The following PELI2 variants were observed in gnomAD, a reference collection of about 807,000 sequenced individuals.
PELI2 encodes E3 ubiquitin-protein ligase pellino homolog 2.
PELI2 carries 23 observed loss-of-function variants against 42.3 expected under a neutral mutation model. The observed-to-expected ratio is 0.54, with a 90% CI of 0.39 to 0.77. PELI2 has a LOEUF of 0.77. Among genes scored for constraint, PELI2 ranks in the 30% least tolerant of loss-of-function variants. PELI2 has a pLI of 0.00. For synonymous variants in PELI2, 245 were observed against 212.2 expected (o/e 1.15, Z -1.34); for missense variants, 463 against 553.2 (o/e 0.84, Z 1.64).
At chr14:56,173,235 C>T (rs951455022) in intron 1 of PELI2, among the ~76,000 whole-genome samples, 3 of 152,154 alleles carry the variant, frequency 2.0e-5, no homozygotes, top group African/African-American at 7.2e-5. Context: ...CCTGTGCATC[C>T]AAACGGGTTA....
At chr14:56,121,450 C>T (rs561617444) in intron 1 of PELI2, among the ~76,000 whole-genome samples, 1 of 152,192 alleles carries the variant, frequency 6.6e-6, no homozygotes, top group Admixed American at 6.5e-5. Flanking sequence ...ACTTTCTGGG[C>T]TGATTAGTGG....
intron 2 of PELI2, among the ~76,000 whole-genome samples, chr14:56,209,462 A>G (rs1886637581): frequency 6.6e-6 from 1 of 152,242 alleles, no homozygotes; most frequent in African/African-American, 2.4e-5. Flanking sequence ...GACATTAGAG[A>G]GATTTGTAAA....
chr14:56,263,084 G>A (rs895994679), intron 2 of PELI2, among the ~76,000 whole-genome samples: 2 of 152,088 alleles, frequency 1.3e-5, no homozygotes, highest in African/African-American at 4.8e-5. Flanking sequence ...AGCCTCCCAA[G>A]TAGCTGGGAT....
chr14:56,246,977 G>T (rs745472558), intron 2 of PELI2, among the ~76,000 whole-genome samples: 1 of 152,142 alleles, frequency 6.6e-6, no homozygotes, highest in African/African-American at 2.4e-5. Flanking sequence ...AGTGTGATAC[G>T]AGAGTACCTT....
chr14:56,164,011 T>C (rs73290615), intron 1 of PELI2, among the ~76,000 whole-genome samples: 1 of 152,130 alleles, frequency 6.6e-6, no homozygotes, highest in Non-Finnish European at 1.5e-5. Context: ...CAAGGATAAT[T>C]TGACTTCCTA....
intron 2 of PELI2, among the ~76,000 whole-genome samples, chr14:56,235,158 GCAAAAACCAC>G (rs1887743681): frequency 6.8e-6 from 1 of 147,526 alleles, no homozygotes; most frequent in African/African-American, 2.7e-5. Flanking sequence ...ACTTTTAATG[GCAAAAACCAC>G]AATTTCTTTT....
At chr14:56,166,157 A>T (rs1884952651) in intron 1 of PELI2, among the ~76,000 whole-genome samples, 1 of 152,074 alleles carries the variant, frequency 6.6e-6, no homozygotes, top group East Asian at 1.9e-4. Flanking sequence ...TGATTTGAGG[A>T]TAACATGAGG....
At chr14:56,136,734 T>C (rs575664251) in intron 1 of PELI2, among the ~76,000 whole-genome samples, 1 of 152,286 alleles carries the variant, frequency 6.6e-6, no homozygotes, top group African/African-American at 2.4e-5. Flanking sequence ...TAAAGTTGAA[T>C]GTGTCTTTCT....
Position 56,197,620 on chromosome 14 carries a change from T to G in PELI2, c.207+19156T>G, listed in dbSNP as rs1366398637. 6.6e-6 allele frequency among the ~76,000 whole-genome samples: 1 copy of G among 152,216 alleles called. No homozygotes were observed. The highest frequency in any genetic ancestry group is 1.5e-5 in the Non-Finnish European group (1 of 68,038). ...CTTAGACTAGTGTAATGGTTAATTG[T>G]ATGTGTTAACTTGGCTGGGCCATTG... On this transcript the variant is annotated intron_variant, in intron 2 of 5. Transcript: ENST00000267460. This position sits in a 1 kb window ranked among gnomAD's most constrained non-coding sequence, Gnocchi z 4.9.
chr14:56,188,146 G>A (rs1182597330), intron 2 of PELI2, among the ~76,000 whole-genome samples: 2 of 152,152 alleles, frequency 1.3e-5, no homozygotes, highest in African/African-American at 4.8e-5. Context: ...GTGCTCTGAC[G>A]CTGCATTGGA....
chr14:56,269,789 C>A (rs951832832), intron 2 of PELI2, among the ~76,000 whole-genome samples: 6 of 152,178 alleles, frequency 3.9e-5, no homozygotes, highest in Non-Finnish European at 8.8e-5. Context: ...GGAGTTCTTA[C>A]CCTCAAGGAG....
At chr14:56,156,754 A>C (rs1360918096) in intron 1 of PELI2, among the ~76,000 whole-genome samples, 2 of 152,236 alleles carry the variant, frequency 1.3e-5, no homozygotes, top group African/African-American at 4.8e-5. Context: ...TTCAAATTAA[A>C]ATTTAAATGG....
intron 2 of PELI2, among the ~76,000 whole-genome samples, chr14:56,277,049 C>T (rs1889318795): frequency 6.6e-6 from 1 of 152,140 alleles, no homozygotes; most frequent in Admixed American, 6.5e-5. Context: ...TAATGAAACA[C>T]CTTACAATAA....
intron 2 of PELI2, among the ~76,000 whole-genome samples, chr14:56,261,771 T>A (rs951550468): frequency 6.6e-6 from 1 of 152,214 alleles, no homozygotes; most frequent in African/African-American, 2.4e-5. Context: ...CTACGCAGAA[T>A]GTTCACTGAT....
intron 2 of PELI2, among the ~76,000 whole-genome samples, chr14:56,275,214 C>T (rs1473516040): frequency 3.3e-5 from 5 of 152,222 alleles, no homozygotes; most frequent in Middle Eastern, 3.4e-3. Flanking sequence ...CCTGCGTTCT[C>T]ATCACAGCTG....
intron 1 of PELI2, among the ~76,000 whole-genome samples, chr14:56,124,553 C>A (rs1883181533): frequency 1.3e-5 from 2 of 152,220 alleles, no homozygotes; most frequent in African/African-American, 4.8e-5. Flanking sequence ...GTTACTGATA[C>A]ATGGTTCATT....
Position 56,298,450 on chromosome 14 carries a change from A to G in PELI2, c.*1284A>G, listed in dbSNP as rs1890080925. ...TGGCATCGATCGTATCACTGCTCCT[A>G]GAAGGTAAAGATCCTTTAGGACATG... On this transcript the variant is annotated 3_prime_UTR_variant, in exon 6 of 6. Coordinates refer to ENST00000267460, the MANE Select transcript of PELI2 (RefSeq NM_021255.3). 2.0e-5 allele frequency: 3 copies of G among 152,594 alleles called. No individual in the cohort carries two copies. The highest frequency in any genetic ancestry group is 4.8e-5 in the African/African-American group (2 of 41,452). 9.5% of individuals were successfully genotyped at this position (152,594 alleles called of 1,614,324 possible).
intron 2 of PELI2, among the ~76,000 whole-genome samples, chr14:56,202,779 A>G (rs562891255): frequency 1.3e-5 from 2 of 152,294 alleles, no homozygotes; most frequent in South Asian, 2.1e-4. Context: ...TTTTGACAAC[A>G]TCTTTAACCA....
At position 56,280,281 on chromosome 14, in the gene PELI2, T is replaced by G. The variant is rs114088574; in HGVS notation, c.309+504T>G. On this transcript the variant is annotated intron_variant, in intron 3 of 5. Transcript: ENST00000267460. Reference sequence around the variant, plus strand: ...AGGGACTAAACATTTATCTCAAAAGTTCTTTTTTGACAAAGTACAGCAATT... The same window carrying G: ...AGGGACTAAACATTTATCTCAAAAGGTCTTTTTTGACAAAGTACAGCAATT... 7.5e-3 allele frequency among the ~76,000 whole-genome samples: 1,143 copies of G among 152,064 alleles called. 20 individuals carry two copies. Among genetic ancestry groups the G allele is most frequent in the African/African-American group, 0.026 (1,091 of 41,488 alleles).
Sources: gnomAD v4.1 joint callset for allele counts (sites outside exome capture counted in the v4.1 genomes callset) on GRCh38, gnomAD v4.1.1 for gene constraint, Gnocchi (gnomAD v3.1) non-coding constraint, MANE v1.5 for transcripts, NCBI Gene and HGNC (gene_info 2026-07-23, HGNC 2026-07-21) for gene names.